ATM: variants seen among roughly 807,000 people sequenced by gnomAD.
ATM encodes the protein ATM serine/threonine kinase, also known as serine-protein kinase ATM.
In ATM, 308 loss-of-function variants were observed where a neutral mutation model predicts 387.0. That is an observed-to-expected ratio of 0.80 (90% CI 0.73 to 0.87). ATM has a LOEUF of 0.87. ATM is among the 40% of genes least tolerant of loss of function. The pLI, the probability that ATM is intolerant of heterozygous loss-of-function variation, is 0.00. For synonymous variants in ATM, 1,156 were observed against 1,187.3 expected (o/e 0.97, Z 0.54); for missense variants, 3,312 against 3,560.9 (o/e 0.93, Z 1.78).
chr11:108,319,817 C>G, intron 43 of ATM, 137 bp from the exon 44 acceptor site: 1 of 654,070 alleles, frequency 1.5e-6, no homozygotes, highest in Non-Finnish European at 2.7e-6. Context: ...GTATTTCTTA[C>G]CAAAAATTCT....
chr11:108,353,624 C>A, intron 59 of ATM, 142 bp from the exon 60 acceptor site: 1 of 680,352 alleles, frequency 1.5e-6, no homozygotes, highest in South Asian at 1.6e-5. Flanking sequence ...GCAGCCAGAG[C>A]AGAAGTAAAC....
At chr11:108,289,467 C>G in intron 28 of ATM, 135 bp from the exon 29 acceptor site, 1 of 745,116 alleles carries the variant, frequency 1.3e-6, no homozygotes, top group Non-Finnish European at 2.1e-6. Flanking sequence ...AAACCCAAAT[C>G]TAAATTCTGT....
intron 48 of ATM, among the ~76,000 whole-genome samples, chr11:108,328,639 T>C (rs1477204496): frequency 6.6e-6 from 1 of 152,244 alleles, no homozygotes; most frequent in African/African-American, 2.4e-5. Flanking sequence ...CAAAGTTGTT[T>C]TGAAAAGTCA....
intron 61 of ATM, among the ~76,000 whole-genome samples, chr11:108,356,990 G>C (rs191852433): frequency 7.2e-4 from 110 of 152,334 alleles, no homozygotes; most frequent in Admixed American, 2.8e-3. Context: ...CCCAGCGTGA[G>C]CGATGCAGAA....
chr11:108,249,520 T>G (rs1473541337), intron 9 of ATM, among the ~76,000 whole-genome samples: 1 of 152,210 alleles, frequency 6.6e-6, no homozygotes, highest in Admixed American at 6.5e-5. Flanking sequence ...TGATAAAAAG[T>G]TATTTTCTCT....
At chr11:108,237,548 TG>T (rs1483923861) in intron 5 of ATM, among the ~76,000 whole-genome samples, 2 of 152,376 alleles carry the variant, frequency 1.3e-5, no homozygotes, top group East Asian at 3.8e-4. Context: ...TTAGCTTTTT[TG>T]TCAAAGTATT....
At position 108,365,605 on chromosome 11, in the gene ATM, T is replaced by C; in HGVS notation, c.*97T>C. The C allele has an allele frequency of 5.0e-6, 7 of 1,411,048 alleles. No homozygotes were observed. The highest frequency in any genetic ancestry group is 6.8e-6 in the Non-Finnish European group (7 of 1,033,878). 87.4% of individuals were successfully genotyped at this position (1,411,048 alleles called of 1,614,324 possible). A position where few individuals can be genotyped will look rare whatever the true frequency, so the allele number is the denominator to read the frequency against. On this transcript the variant is annotated 3_prime_UTR_variant, in exon 63 of 63. Coordinates refer to ENST00000675843, the MANE Select transcript of ATM (RefSeq NM_000051.4). ...AACATACTTTAAGTAGGGATTAATATTTAAGTGAACTATTGTGGGTTTTTT... is the reference window on the plus strand; with the variant it reads ...AACATACTTTAAGTAGGGATTAATACTTAAGTGAACTATTGTGGGTTTTTT...
At chr11:108,269,289 G>T (rs2081441158) in intron 18 of ATM, among the ~76,000 whole-genome samples, 1 of 151,920 alleles carries the variant, frequency 6.6e-6, no homozygotes, top group Admixed American at 6.6e-5. Context: ...TATTTATCAT[G>T]ACCTTCATAT....
chr11:108,241,351 A>C (rs1256521954), intron 5 of ATM, among the ~76,000 whole-genome samples: 1 of 152,252 alleles, frequency 6.6e-6, no homozygotes, highest in Admixed American at 6.5e-5. Context: ...GAGTAAGTAC[A>C]TAAACCTAAC....
At chr11:108,285,486 A>T (rs1019487977) in intron 26 of ATM, among the ~76,000 whole-genome samples, 3 of 152,202 alleles carry the variant, frequency 2.0e-5, no homozygotes, top group Non-Finnish European at 4.4e-5. Context: ...TAAAACATAC[A>T]TACAAATTTT....
chr11:108,365,425 G>A lies in ATM; in HGVS notation c.9088G>A (p.Gly3030Arg), dbSNP rs879254215. ...AGAAGGCACTGTGCTCAGTGTTGGTGGACAAGTGAATTTGCTCATACAGCA... is the reference window on the plus strand; with the variant it reads ...AGAAGGCACTGTGCTCAGTGTTGGTAGACAAGTGAATTTGCTCATACAGCA... ...VEEGTVLSVG[G>R]QVNLLIQQAI... The change falls in exon 63 of 63, where the codon GGA becomes AGA. Residue 3030 changes from glycine to arginine, a missense_variant. Physicochemically the swap from Gly to Arg is moderately radical, Grantham distance 125. Transcript: ENST00000675843. 6.2e-7 allele frequency: 1 copy of A among 1,614,026 alleles called. No individual in the cohort carries two copies. The highest frequency in any genetic ancestry group is 8.5e-7 in the Non-Finnish European group (1 of 1,180,026).
At position 108,235,764 on chromosome 11, in the gene ATM, C is replaced by G. The variant is rs2135123981; in HGVS notation, c.426C>G (p.Ser142Arg). Residue 142 changes from serine to arginine, a missense_variant, in exon 5 of 63, where the codon AGC becomes AGG. Physicochemically the swap from Ser to Arg is moderately radical, Grantham distance 110. Around this residue, in one of 4 missense-constraint regions of ATM, gnomAD observed 1,791 missense variants for 1,804.5 expected, o/e 0.99. Transcript: ENST00000675843. ...GTGCTATTTACGGAGCTGATTGTAGCAACATACTACTCAAAGACATTCTTT... is the reference window on the plus strand; with the variant it reads ...GTGCTATTTACGGAGCTGATTGTAGGAACATACTACTCAAAGACATTCTTT... ...SNGAIYGADC[S>R]NILLKDILSV... 6.2e-7 allele frequency: 1 copy of G among 1,613,580 alleles called. No homozygotes were observed. The highest frequency in any genetic ancestry group is 1.7e-5 in the Admixed American group (1 of 60,026).
intron 59 of ATM, among the ~76,000 whole-genome samples, 186 bp downstream of exon 59, chr11:108,347,551 A>T (rs2088600445): frequency 6.6e-6 from 1 of 152,152 alleles, no homozygotes; most frequent in Non-Finnish European, 1.5e-5. Flanking sequence ...TGGGGTACTG[A>T]GTGAAACTTA....
In ATM at chr11:108,244,920, T is replaced by G. The variant is rs1290222131; in HGVS notation, c.795T>G (p.Ile265Met). 6.2e-7 allele frequency: 1 copy of G among 1,613,630 alleles called. No homozygotes were observed. The highest frequency in any genetic ancestry group is 1.7e-4 in the Middle Eastern group (1 of 6,058). ...GDEILPTLLY[I>M]WTQHRLNDSL... The stretch of plus-strand genomic sequence containing the variant: ...AAATTCTTCCCACTTTGCTTTATAT[T>G]TGGACTCAACATAGGCTTAATGATT... The change falls in exon 7 of 63, where the codon ATT (isoleucine) becomes ATG (methionine). Residue 265 changes from isoleucine to methionine, a missense_variant. Coordinates refer to ENST00000675843, the MANE Select transcript of ATM (RefSeq NM_000051.4).
At chr11:108,231,119 G>A (rs1279441207) in intron 4 of ATM, among the ~76,000 whole-genome samples, 1 of 152,068 alleles carries the variant, frequency 6.6e-6, no homozygotes, top group African/African-American at 2.4e-5. Context: ...TTGGCTGTCA[G>A]AACCAACACT....
intron 12 of ATM, 150 bp from the exon 13 acceptor site, chr11:108,253,664 C>A: frequency 1.9e-6 from 1 of 521,590 alleles, no homozygotes; most frequent in Non-Finnish European, 3.3e-6. Context: ...AGAAGAGAAG[C>A]ATTTAAAAGA....
Position 108,244,786 on chromosome 11 carries a change from A to G in ATM, c.663-2A>G, listed in dbSNP as rs886041931. On this transcript the variant is annotated splice_acceptor_variant, in intron 6 of 62. Coordinates refer to ENST00000675843, the MANE Select transcript of ATM (RefSeq NM_000051.4). LOFTEE classifies it high-confidence loss of function. The stretch of plus-strand genomic sequence containing the variant: ...CAGTTGAGCTTGTTTGTTTCTTCAC[A>G]GACAAGAAAAGAGCTCTTCAGGTCT... 2 of 1,611,010 alleles carry G rather than the reference A, an allele frequency of 1.2e-6. No individual in the cohort carries two copies. The highest frequency in any genetic ancestry group is 1.7e-6 in the Non-Finnish European group (2 of 1,177,516).
chr11:108,287,531 G>A, intron 26 of ATM, 69 bp from the exon 27 acceptor site: 2 of 956,504 alleles, frequency 2.1e-6, no homozygotes, highest in Non-Finnish European at 1.6e-6. Context: ...GGTAATATAT[G>A]CCTTTTGAGC....
chr11:108,348,589 A>C (rs904906742), intron 59 of ATM, among the ~76,000 whole-genome samples: 2 of 151,842 alleles, frequency 1.3e-5, no homozygotes, highest in Non-Finnish European at 1.5e-5. Flanking sequence ...TGTAATGTAA[A>C]GAAGTGTGAA....
Sources: gnomAD v4.1 joint callset for allele counts (sites outside exome capture counted in the v4.1 genomes callset) on GRCh38, gnomAD v4.1.1 for gene constraint, gnomAD v4.1.1 regional missense constraint, MANE v1.5 for transcripts, NCBI Gene and HGNC (gene_info 2026-07-23, HGNC 2026-07-21) for gene names.